Variants in ZNF700 observed in about 807,000 individuals in gnomAD.
The protein encoded by ZNF700 is zinc finger protein 700.
ZNF700 carries 38 observed loss-of-function variants against 65.3 expected under a neutral mutation model. The observed-to-expected ratio is 0.58, with a 90% CI of 0.45 to 0.76. ZNF700 has a LOEUF of 0.76. Ranked by LOEUF, ZNF700 falls within the 30% of genes least tolerant of loss-of-function variation. The probability of loss-of-function intolerance (pLI) is 0.00; values close to 1 mark genes in which losing one functional copy is unlikely to be tolerated. For synonymous variants in ZNF700, 285 were observed against 290.4 expected, an observed-to-expected ratio of 0.98 and a Z score of 0.19; for missense variants, 857 against 888.4, an observed-to-expected ratio of 0.96 and a Z score of 0.45.
rs557205761 is a variant in ZNF700 at position 11,939,036 on chromosome 19, G to A, written c.64-8145G>A. On this transcript the variant is annotated intron_variant, in intron 1 of 3. Coordinates refer to ENST00000254321, the MANE Select transcript of ZNF700 (RefSeq NM_144566.3). ...GCATAAATGTCTTCTTTTGAGAAGT[G>A]TCTGTTCATGTCCTTTGCCCACTTT... is the stretch of plus-strand genomic sequence containing the variant. Among the ~76,000 whole-genome samples, 975 of 152,310 alleles carry A rather than the reference G, an allele frequency of 6.4e-3. 9 individuals are homozygous for A. Among genetic ancestry groups the A allele is most frequent in the Non-Finnish European group, 9.5e-3 (649 of 68,024 alleles).
At position 11,950,056 on chromosome 19, in the gene ZNF700, T is replaced by C. The variant is rs372679248; in HGVS notation, c.2032T>C (p.Cys678Arg). The C allele has an allele frequency of 3.7e-6, 6 of 1,614,092 alleles. No individual in the cohort carries two copies. Among genetic ancestry groups the C allele is most frequent in the East Asian group, 2.2e-5 (1 of 44,900 alleles). ...RKHRGEKPYE[C>R]KHCGNGFTSA... is the part of the protein sequence containing the mutation. ...GCACAGAGGAGAGAAGCCCTATGAATGTAAGCATTGTGGGAATGGATTCAC... is the reference window on the plus strand; with the variant it reads ...GCACAGAGGAGAGAAGCCCTATGAACGTAAGCATTGTGGGAATGGATTCAC... The change falls in exon 4 of 4, where the codon TGT becomes CGT. Residue 678 changes from cysteine to arginine, a missense_variant. Physicochemically the swap from Cys to Arg is radical, Grantham distance 180. Around this residue, in one of 3 missense-constraint regions of ZNF700, gnomAD observed 251 missense variants for 250.3 expected, o/e 1.00. Coordinates refer to ENST00000254321, the MANE Select transcript of ZNF700 (RefSeq NM_144566.3).
At chr19:11,929,835 C>T (rs1972687225) in intron 1 of ZNF700, among the ~76,000 whole-genome samples, 1 of 148,260 alleles carries the variant, frequency 6.7e-6, no homozygotes, top group South Asian at 2.1e-4. Context: ...AGAGAATAAC[C>T]ACTAGACATT....
intron 1 of ZNF700, among the ~76,000 whole-genome samples, chr19:11,944,879 T>G (rs1348642271): frequency 6.6e-6 from 1 of 152,236 alleles, no homozygotes; most frequent in African/African-American, 2.4e-5. Context: ...CTGGCCTAGA[T>G]GGGTGGTTTT....
intron 1 of ZNF700, among the ~76,000 whole-genome samples, chr19:11,946,033 A>T (rs1390252673): frequency 6.6e-6 from 1 of 152,116 alleles, no homozygotes; most frequent in Admixed American, 6.5e-5. Flanking sequence ...AAGAAACTCT[A>T]TGTCCTTGTC....
intron 1 of ZNF700, among the ~76,000 whole-genome samples, chr19:11,928,168 C>A (rs1972660455): frequency 6.6e-6 from 1 of 152,016 alleles, no homozygotes; most frequent in South Asian, 2.1e-4. Flanking sequence ...TTATTTTTTA[C>A]AGAGGTTAGG....
intron 1 of ZNF700, among the ~76,000 whole-genome samples, chr19:11,930,239 A>G (rs1972694278): frequency 1.3e-5 from 2 of 148,566 alleles, no homozygotes; most frequent in African/African-American, 2.6e-5. Context: ...GGATGTTGCT[A>G]TTGAGGAAAA....
intron 1 of ZNF700, among the ~76,000 whole-genome samples, chr19:11,928,609 G>A (rs1972668897): frequency 6.7e-6 from 1 of 148,388 alleles, no homozygotes; most frequent in South Asian, 2.1e-4. Flanking sequence ...GCGGGCGCCT[G>A]TAGTCCCAGC....
intron 1 of ZNF700, among the ~76,000 whole-genome samples, chr19:11,942,283 T>C (rs1443961264): frequency 2.0e-5 from 3 of 151,548 alleles, no homozygotes; most frequent in African/African-American, 7.3e-5. Flanking sequence ...TCTAACAATG[T>C]CATCAAAGAT....
chr19:11,935,607 C>G (rs954015922), intron 1 of ZNF700, among the ~76,000 whole-genome samples: 2 of 151,996 alleles, frequency 1.3e-5, no homozygotes, highest in African/African-American at 4.8e-5. Context: ...GGATACCAGT[C>G]CATCACCAGA....
At position 11,947,510 on chromosome 19, in the gene ZNF700, T is replaced by G; in HGVS notation, c.191-4T>G. Reference sequence around the variant, plus strand: ...AGGACTATTTTTCTGTGTCTGTATTTTAGGAAAAAAATGGAGTGACCAGAA... The same window carrying G: ...AGGACTATTTTTCTGTGTCTGTATTGTAGGAAAAAAATGGAGTGACCAGAA... On this transcript the variant is annotated splice_polypyrimidine_tract_variant and splice_region_variant and intron_variant, in intron 2 of 3. Transcript: ENST00000254321. 1 of 1,611,760 alleles carries G rather than the reference T, an allele frequency of 6.2e-7. No homozygotes were observed. The highest frequency in any genetic ancestry group is 8.5e-7 in the Non-Finnish European group (1 of 1,179,524).
intron 1 of ZNF700, among the ~76,000 whole-genome samples, chr19:11,944,002 C>T (rs1188250973): frequency 6.6e-6 from 1 of 152,004 alleles, no homozygotes; most frequent in East Asian, 1.9e-4. Flanking sequence ...GCCGGGATTC[C>T]CTCTACCTTC....
chr19:11,930,332 A>G (rs917338980), intron 1 of ZNF700, among the ~76,000 whole-genome samples: 1 of 148,482 alleles, frequency 6.7e-6, no homozygotes, highest in Non-Finnish European at 1.5e-5. Context: ...CACCCCAACA[A>G]GGTTGTATTT....
intron 1 of ZNF700, among the ~76,000 whole-genome samples, chr19:11,944,217 A>G (rs1972926144): frequency 6.6e-6 from 1 of 151,934 alleles, no homozygotes; most frequent in Admixed American, 6.6e-5. Context: ...AATTTCACCT[A>G]ATTCTCAGGG....
chr19:11,937,161 G>A lies in ZNF700; in HGVS notation c.64-10020G>A, dbSNP rs116754563. On this transcript the variant is annotated intron_variant, in intron 1 of 3. Transcript: ENST00000254321. Reference sequence around the variant, plus strand: ...TGTGAAACCTTATTGCCAAATCCAAGGTTGTCATGGTTTTCACAAGTGTTA... The same window carrying A: ...TGTGAAACCTTATTGCCAAATCCAAAGTTGTCATGGTTTTCACAAGTGTTA... Among the ~76,000 whole-genome samples, 157 of 152,258 alleles carry A rather than the reference G, an allele frequency of 1.0e-3. 3 individuals carry two copies. Among genetic ancestry groups the A allele is most frequent in the African/African-American group, 3.6e-3 (148 of 41,550 alleles).
chr19:11,938,870 C>G (rs1972837439), intron 1 of ZNF700, among the ~76,000 whole-genome samples: 1 of 152,176 alleles, frequency 6.6e-6, no homozygotes, highest in Non-Finnish European at 1.5e-5. Context: ...TATTTCTCCA[C>G]ATCCTCTCCA....
At chr19:11,926,160 C>G (rs1972624288) in intron 1 of ZNF700, among the ~76,000 whole-genome samples, 1 of 152,178 alleles carries the variant, frequency 6.6e-6, no homozygotes, top group Admixed American at 6.5e-5. Context: ...TTTATGAATT[C>G]TGAGGCGTGA....
chr19:11,937,542 G>T (rs998459385), intron 1 of ZNF700, among the ~76,000 whole-genome samples: 1 of 146,402 alleles, frequency 6.8e-6, no homozygotes, highest in Non-Finnish European at 1.5e-5. Context: ...AGGCTGGAGT[G>T]CAGTGGCGCC....
chr19:11,935,466 C>T (rs984561254), intron 1 of ZNF700, among the ~76,000 whole-genome samples: 6 of 151,886 alleles, frequency 4.0e-5, no homozygotes, highest in Middle Eastern at 3.4e-3. Context: ...CTCCTGACCT[C>T]GATGATCCAC....
chr19:11,936,905 T>C (rs1972804250), intron 1 of ZNF700, among the ~76,000 whole-genome samples: 3 of 152,240 alleles, frequency 2.0e-5, no homozygotes, highest in African/African-American at 7.2e-5. Context: ...TTTCTACATA[T>C]GGCTAGCCAG....
Sources: allele counts gnomAD v4.1 joint callset (sites outside exome capture counted in the v4.1 genomes callset), GRCh38; gene constraint gnomAD v4.1.1; regional missense constraint gnomAD v4.1.1; transcripts MANE v1.5; gene names NCBI Gene and HGNC (gene_info 2026-07-23, HGNC 2026-07-21).